Variants in COG8 observed in about 807,000 individuals in gnomAD.
The protein encoded by COG8 is conserved oligomeric Golgi complex subunit 8.
In COG8, 45 loss-of-function variants were observed where a neutral mutation model predicts 46.5. The observed-to-expected ratio is 0.97, with a 90% CI of 0.76 to 1.24. The LOEUF (loss-of-function observed/expected upper bound fraction) is 1.24, where lower values mean the gene tolerates loss of function less well. COG8 is among the 50% of genes most tolerant of loss of function. The pLI, the probability that COG8 is intolerant of heterozygous loss-of-function variation, is 0.00. For missense variants in COG8, 793 were observed against 820.8 expected, an observed-to-expected ratio of 0.97 and a Z score of 0.41; for synonymous variants, 407 against 347.8, an observed-to-expected ratio of 1.17 and a Z score of -1.90.
Position 69,335,300 on chromosome 16 carries a change from G to T in COG8, c.634C>A (p.Leu212Met), listed in dbSNP as rs1432659711. Reference protein sequence around the residue: ...RQSMQLMLSQLIQQLRTNIQL... With the variant: ...RQSMQLMLSQMIQQLRTNIQL... Reference sequence around the variant, plus strand: ...ATGTTGGTCCTCAGTTGCTGGATCAGCTGGCTCAGCATCAGCTGCATGGAC... The same window carrying T: ...ATGTTGGTCCTCAGTTGCTGGATCATCTGGCTCAGCATCAGCTGCATGGAC... The change falls in exon 3 of 6, where the codon CTG becomes ATG. Residue 212 changes from leucine to methionine, a missense_variant. By Grantham distance (15) the Leu-to-Met change is conservative (BLOSUM62 2). Transcript: ENST00000306875. The T allele has an allele frequency of 6.2e-7, 1 of 1,610,854 alleles. No homozygotes were observed. Among genetic ancestry groups the T allele is most frequent in the Non-Finnish European group, 8.5e-7 (1 of 1,179,528 alleles).
At chr16:69,337,742 T>G (rs2012283627) in intron 1 of COG8, among the ~76,000 whole-genome samples, 1 of 151,970 alleles carries the variant, frequency 6.6e-6, no homozygotes, top group Admixed American at 6.6e-5. Context: ...GACTTTTTTT[T>G]TTTTTTTTGA....
intron 1 of COG8, 38 bp downstream of exon 1, chr16:69,339,138 A>G (rs184879211): frequency 6.2e-7 from 1 of 1,612,660 alleles, no homozygotes; most frequent in Admixed American, 1.7e-5. Flanking sequence ...GTCAGCTTTT[A>G]CAGTTATAAA....
chr16:69,334,250 A>G (rs2012057489), intron 3 of COG8, among the ~76,000 whole-genome samples: 1 of 152,224 alleles, frequency 6.6e-6, no homozygotes, highest in Non-Finnish European at 1.5e-5. Context: ...TGTTGCTGGA[A>G]GCTACTAAGT....
At chr16:69,332,929 T>A (rs1442654279) in intron 3 of COG8, 47 bp from the exon 4 acceptor site, 1 of 1,604,322 alleles carries the variant, frequency 6.2e-7, no homozygotes, top group Middle Eastern at 1.8e-4. Flanking sequence ...CTATCACCAC[T>A]GGGACAGCAG....
In COG8 at chr16:69,331,113, A is replaced by G. The variant is rs1385213493; in HGVS notation, c.1583-18T>C. On this transcript the variant is annotated intron_variant, in intron 4 of 5. Coordinates refer to ENST00000306875, the MANE Select transcript of COG8 (RefSeq NM_032382.5). ...AGGAATGCCTAACCCAGACGTGGGG[A>G]AAGCAAAATGGAAAACAGTTACTAA... 1 of 1,613,442 alleles carries G rather than the reference A, an allele frequency of 6.2e-7. No homozygotes were observed. Among genetic ancestry groups the G allele is most frequent in the Admixed American group, 1.7e-5 (1 of 59,958 alleles).
At chr16:69,329,246 C>G (rs1034023883) in intron 5 of COG8, 67 bp from the exon 6 acceptor site, 22 of 1,451,060 alleles carry the variant, frequency 1.5e-5, no homozygotes, top group Non-Finnish European at 4.5e-6. Context: ...ACCTCCCTAC[C>G]CCTGCCCCCG....
intron 1 of COG8, chr16:69,338,363 T>C (rs1203609995): frequency 6.6e-6 from 1 of 152,248 alleles, no homozygotes; most frequent in Admixed American, 6.5e-5. Flanking sequence ...CATCCAGCCA[T>C]CCAAATGGAG....
Position 69,335,048 on chromosome 16 carries a change from C to A in COG8, c.886G>T (p.Glu296Ter). The change falls in exon 3 of 6, where the codon GAG (glutamate) becomes TAG (stop). Residue 296 changes from glutamate to a stop codon, truncating the protein, a stop_gained. Coordinates refer to ENST00000306875, the MANE Select transcript of COG8 (RefSeq NM_032382.5). LOFTEE classifies it high-confidence loss of function. ...ITQYRAIFSD[E>*]DPLLPPAMGE... ...ATGGCAGGGGGCAGCAGTGGGTCCT[C>A]GTCTGAGAAGATGGCACGGTACTGG... is the stretch of plus-strand genomic sequence containing the variant. 3 of 1,614,136 alleles carry A rather than the reference C, an allele frequency of 1.9e-6. No homozygotes were observed. Among genetic ancestry groups the A allele is most frequent in the Non-Finnish European group, 2.5e-6 (3 of 1,180,038 alleles).
Position 69,334,557 on chromosome 16 carries a change from C to T in COG8, c.1377G>A (p.Gln459=). 6.2e-7 allele frequency: 1 copy of T among 1,614,202 alleles called. No homozygotes were observed. Among genetic ancestry groups the T allele is most frequent in the Non-Finnish European group, 8.5e-7 (1 of 1,180,046 alleles). Reference sequence around the variant, plus strand: ...CATCTTCCAAGGCCCCAGTCACATCCTGCGCCAGGGCCACAGGGCAGCAGA... The same window carrying T: ...CATCTTCCAAGGCCCCAGTCACATCTTGCGCCAGGGCCACAGGGCAGCAGA... ...LRLCCPVALA[Q]DVTGALEDAL... is the part of the protein sequence containing the mutation. Residue 459 remains glutamine, a synonymous_variant, in exon 3 of 6, where the codon CAG becomes CAA. Transcript: ENST00000306875.
In COG8 at chr16:69,334,746, G is replaced by A; in HGVS notation, c.1188C>T (p.Ser396=). Reference sequence around the variant, plus strand: ...TGGCTGGAGCCGAGATGAGCATGTAGGAGTTCATTTCTTCCTGGAATTTCT... The same window carrying A: ...TGGCTGGAGCCGAGATGAGCATGTAAGAGTTCATTTCTTCCTGGAATTTCT... ...TVEKFQEEMN[S]YMLISAPAIL... The change falls in exon 3 of 6, where the codon TCC becomes TCT. Residue 396 remains serine, a synonymous_variant. Transcript: ENST00000306875. The A allele has an allele frequency of 1.2e-6, 2 of 1,614,146 alleles. No homozygotes were observed. Among genetic ancestry groups the A allele is most frequent in the African/African-American group, 1.3e-5 (1 of 75,064 alleles).
chr16:69,331,803 C>T (rs566143851), intron 4 of COG8, among the ~76,000 whole-genome samples: 1 of 152,196 alleles, frequency 6.6e-6, no homozygotes, highest in South Asian at 2.1e-4. Context: ...GCCCAGCCAT[C>T]AATTACTATG....
At position 69,326,545 on chromosome 16, in the gene COG8, C is replaced by T. The variant is rs1195798542; in HGVS notation, c.*2661G>A. ...AGTCCTAGGGGTTAACAAAGGTTAG[C>T]ATGGCTATGGTCCATCCCTGTGCTC... On this transcript the variant is annotated 3_prime_UTR_variant, in exon 6 of 6. Coordinates refer to ENST00000306875, the MANE Select transcript of COG8 (RefSeq NM_032382.5). 6.6e-6 allele frequency: 1 copy of T among 152,252 alleles called. No homozygotes were observed. The highest frequency in any genetic ancestry group is 1.5e-5 in the Non-Finnish European group (1 of 68,046). The allele number at this position is 152,252 out of a possible 1,614,324, so 9.4% of individuals were successfully genotyped here.
Position 69,335,326 on chromosome 16 carries a change from T to C in COG8, c.608A>G (p.Gln203Arg), listed in dbSNP as rs1364070163. The C allele has an allele frequency of 1.2e-6, 2 of 1,605,086 alleles. No individual in the cohort carries two copies. Among genetic ancestry groups the C allele is most frequent in the Non-Finnish European group, 1.7e-6 (2 of 1,178,222 alleles). ...VIQGIVNEVR[Q>R]SMQLMLSQLI... is the part of the protein sequence containing the mutation. ...CTGGCTCAGCATCAGCTGCATGGAC[T>C]GGCGCACTTCGTTCACGATGCCCTG... Residue 203 changes from glutamine (Q) to arginine (R), a missense_variant, in exon 3 of 6, where the codon CAG (glutamine) becomes CGG (arginine). Coordinates refer to ENST00000306875, the MANE Select transcript of COG8 (RefSeq NM_032382.5).
At chr16:69,329,995 A>C in intron 5 of COG8, 2 of 1,521,340 alleles carry the variant, frequency 1.3e-6, no homozygotes, top group Non-Finnish European at 1.8e-6. Flanking sequence ...CGCCGCCCGC[A>C]CCTGAGATCT....
intron 5 of COG8, chr16:69,330,184 C>A: frequency 6.7e-7 from 1 of 1,487,748 alleles, no homozygotes; most frequent in East Asian, 2.8e-5. Context: ...GACACAGCGC[C>A]TCGGGGAGCT....
In COG8 at chr16:69,326,622, G is replaced by A. The variant is rs1168479471; in HGVS notation, c.*2584C>T. 6.6e-6 allele frequency: 1 copy of A among 152,216 alleles called. No individual in the cohort carries two copies. The highest frequency in any genetic ancestry group is 1.5e-5 in the Non-Finnish European group (1 of 68,054). The allele number at this position is 152,216 out of a possible 1,614,324, so 9.4% of individuals were successfully genotyped here. A position where few individuals can be genotyped will look rare whatever the true frequency, so the allele number is the denominator to read the frequency against. On this transcript the variant is annotated 3_prime_UTR_variant, in exon 6 of 6. Transcript: ENST00000306875. ...TTCCAGTTGTCTCTCTCCATGACCAGCAACAGGAACCACTGACGCTGAACT... is the reference window on the plus strand; with the variant it reads ...TTCCAGTTGTCTCTCTCCATGACCAACAACAGGAACCACTGACGCTGAACT...
intron 4 of COG8, 90 bp downstream of exon 4, chr16:69,332,624 T>TA: frequency 1.6e-6 from 2 of 1,253,580 alleles, no homozygotes; most frequent in Non-Finnish European, 2.3e-6. Context: ...TCATATTTAC[T>TA]AAAAAACACT....
In COG8 at chr16:69,334,932, A is replaced by T; in HGVS notation, c.1002T>A (p.Leu334=). The part of the protein sequence containing the change: ...SQFLQVLETD[L]YRGIGGHLDS... Reference sequence around the variant, plus strand: ...CCAGGTGGCCGCCTATGCCCCGGTAAAGGTCGGTCTCCAGCACCTGCAGGA... The same window carrying T: ...CCAGGTGGCCGCCTATGCCCCGGTATAGGTCGGTCTCCAGCACCTGCAGGA... Residue 334 remains leucine, a synonymous_variant, in exon 3 of 6, where the codon CTT becomes CTA. Transcript: ENST00000306875. 1 of 1,614,062 alleles carries T rather than the reference A, an allele frequency of 6.2e-7. No homozygotes were observed. The highest frequency in any genetic ancestry group is 8.5e-7 in the Non-Finnish European group (1 of 1,179,996).
rs947827372 is a variant in COG8 at position 69,331,216 on chromosome 16, G to A, written c.1583-121C>T. ...TAATCCCAGCACTTTGGGAGGCCGG[G>A]GAGGGGGGGGCGGATCACCTGAGGT... On this transcript the variant is annotated intron_variant, in intron 4 of 5. Coordinates refer to ENST00000306875, the MANE Select transcript of COG8 (RefSeq NM_032382.5). The A allele has an allele frequency of 7.6e-6, 8 of 1,055,706 alleles. No individual in the cohort carries two copies. The African/African-American group carries it at 7.9e-5, about 10-fold the overall frequency. 65.4% of individuals were successfully genotyped at this position (1,055,706 alleles called of 1,614,324 possible). A position where few individuals can be genotyped will look rare whatever the true frequency, so the allele number is the denominator to read the frequency against.
Sources: allele counts gnomAD v4.1 joint callset (sites outside exome capture counted in the v4.1 genomes callset), GRCh38; gene constraint gnomAD v4.1.1; transcripts MANE v1.5; gene names NCBI Gene and HGNC (gene_info 2026-07-23, HGNC 2026-07-21).